The following SLC14A2 variants were observed in gnomAD, a reference collection of about 807,000 sequenced individuals.
SLC14A2 encodes solute carrier family 14 member 2, also known as urea transporter 2.
In SLC14A2, 91 loss-of-function variants were observed where a neutral mutation model predicts 104.6. The observed-to-expected ratio is 0.87, with a 90% CI of 0.73 to 1.04. The LOEUF is 1.04. SLC14A2 is among the 50% of genes least tolerant of loss of function. The probability of loss-of-function intolerance (pLI) is 0.00; values close to 1 mark genes in which losing one functional copy is unlikely to be tolerated. For synonymous variants in SLC14A2, 476 were observed against 466.4 expected (o/e 1.02, Z -0.27); for missense variants, 1,189 against 1,156.0 (o/e 1.03, Z -0.41).
At chr18:45,608,099 T>C (rs2044900466) in intron 2 of SLC14A2, among the ~76,000 whole-genome samples, 1 of 152,258 alleles carries the variant, frequency 6.6e-6, no homozygotes, top group African/African-American at 2.4e-5. Context: ...TTTTTTCTTG[T>C]TCACTGTTGA....
At chr18:45,212,142 A>G (rs891792984), upstream of SLC14A2, among the ~76,000 whole-genome samples, 1 of 152,216 alleles carries the variant, frequency 6.6e-6, no homozygotes, top group Non-Finnish European at 1.5e-5. Context: ...ATATTTATTC[A>G]ACTTTTTATG....
At chr18:45,515,339 T>C (rs2043423966) in intron 2 of SLC14A2, 1 of 152,230 alleles carries the variant, frequency 6.6e-6, no homozygotes, top group African/African-American at 2.4e-5. Flanking sequence ...AGTGTCAATT[T>C]GGCATCAAAA....
the SLC14A2 span, among the ~76,000 whole-genome samples, chr18:45,184,649 A>G: frequency 6.6e-6 from 1 of 151,428 alleles, no homozygotes; most frequent in Non-Finnish European, 1.5e-5. Flanking sequence ...TTTTAAGTAT[A>G]AAAGTAAAGG....
chr18:45,536,682 C>G (rs2043790298), intron 2 of SLC14A2, among the ~76,000 whole-genome samples: 1 of 152,024 alleles, frequency 6.6e-6, no homozygotes, highest in African/African-American at 2.4e-5. Flanking sequence ...GGGGTTGGGA[C>G]TTAAACATAT....
the SLC14A2 span, among the ~76,000 whole-genome samples, chr18:45,203,632 A>T: frequency 1.3e-5 from 2 of 152,180 alleles, no homozygotes; most frequent in Admixed American, 1.3e-4. Flanking sequence ...TGAAGATGGG[A>T]TCCTACTTTT....
At chr18:45,667,528 G>A (rs1202104323) in intron 13 of SLC14A2, among the ~76,000 whole-genome samples, 1 of 152,188 alleles carries the variant, frequency 6.6e-6, no homozygotes, top group East Asian at 1.9e-4. Flanking sequence ...TATGCAGCAA[G>A]AACATGTTCT....
chr18:45,244,455 C>T lies in SLC14A2; in HGVS notation c.-125+31264C>T, dbSNP rs536321728. On this transcript the variant is annotated intron_variant, in intron 1 of 20. Transcript: ENST00000586448. ...CAACCTGGCCAACATAGTGAAACCC[C>T]ATCTCTGCTAAAAATGCAAAAATTA... Among the ~76,000 whole-genome samples the T allele has an allele frequency of 3.0e-4, 46 of 152,214 alleles. No individual in the cohort carries two copies. The South Asian group carries it at 3.7e-3, about 12-fold the overall frequency.
chr18:45,259,082 T>C (rs62092159), intron 1 of SLC14A2, among the ~76,000 whole-genome samples: 27,751 of 152,196 alleles, frequency 0.18, 2,963 homozygotes, highest in African/African-American at 0.28. Context: ...TACAGTTGCT[T>C]TTCAAATAGA....
intron 10 of SLC14A2, among the ~76,000 whole-genome samples, chr18:45,663,444 G>A (rs927266830): frequency 2.6e-5 from 4 of 152,182 alleles, no homozygotes; most frequent in Non-Finnish European, 4.4e-5. Context: ...TGCCACAGAT[G>A]AAGTCCAAGA....
chr18:45,220,994 T>C (rs2084056389), intron 1 of SLC14A2, among the ~76,000 whole-genome samples: 1 of 152,178 alleles, frequency 6.6e-6, no homozygotes, highest in African/African-American at 2.4e-5. Context: ...ACACCAGTCA[T>C]ATTGGATTAG....
At chr18:45,672,822 G>GTGGC in intron 16 of SLC14A2, 78 bp from the exon 17 acceptor site, 4 of 1,400,782 alleles carry the variant, frequency 2.9e-6, no homozygotes, top group Non-Finnish European at 3.9e-6. Flanking sequence ...GAAGGGTTCA[G>GTGGC]TGCCAAGTCT....
At chr18:45,170,589 T>C in the SLC14A2 span, among the ~76,000 whole-genome samples, 3 of 152,156 alleles carry the variant, frequency 2.0e-5, no homozygotes, top group Non-Finnish European at 4.4e-5. Flanking sequence ...AAAGTGTAGC[T>C]AGGACAAAAT....
intron 1 of SLC14A2, among the ~76,000 whole-genome samples, chr18:45,271,237 A>G (rs2084647739): frequency 6.6e-6 from 1 of 152,160 alleles, no homozygotes. Context: ...CTCTTCCCCA[A>G]AGGAAATGCC....
At chr18:45,560,226 A>C (rs1309471026) in intron 2 of SLC14A2, among the ~76,000 whole-genome samples, 1 of 152,192 alleles carries the variant, frequency 6.6e-6, no homozygotes, top group Non-Finnish European at 1.5e-5. Flanking sequence ...TTAAAACCTT[A>C]GCAGACCAGC....
At chr18:45,635,416 C>T (rs1362640063) in intron 5 of SLC14A2, among the ~76,000 whole-genome samples, 1 of 152,156 alleles carries the variant, frequency 6.6e-6, no homozygotes, top group African/African-American at 2.4e-5. Flanking sequence ...TAAGAAGGAA[C>T]AGGCAAAAAG....
rs147800000 is a variant in SLC14A2, at chr18:45,631,445, G to A, written c.522-905G>A. ...TATTACGATCAGGAGGAGAATTGTA[G>A]GTGCATACACCAGCTTCTCCTCTGA... On this transcript the variant is annotated intron_variant, in intron 4 of 19. Coordinates refer to ENST00000255226, the MANE Select transcript of SLC14A2 (RefSeq NM_007163.4). Among the ~76,000 whole-genome samples, 181 of 152,338 alleles carry A rather than the reference G, an allele frequency of 1.2e-3. 2 individuals carry two copies. Among genetic ancestry groups the A allele is most frequent in the Middle Eastern group, 6.8e-3 (2 of 294 alleles).
chr18:45,559,974 G>A (rs1341623683), intron 2 of SLC14A2, among the ~76,000 whole-genome samples: 1 of 152,204 alleles, frequency 6.6e-6, no homozygotes, highest in East Asian at 1.9e-4. Context: ...AGGTCATGGA[G>A]CAGAGGCTTC....
chr18:45,396,423 A>G (rs1470811847), intron 1 of SLC14A2, among the ~76,000 whole-genome samples: 4 of 152,164 alleles, frequency 2.6e-5, no homozygotes, highest in Non-Finnish European at 5.9e-5. Context: ...ATTTACTCAG[A>G]TACATATTCA....
chr18:45,458,677 T>C (rs906355778), intron 1 of SLC14A2, among the ~76,000 whole-genome samples: 1 of 152,192 alleles, frequency 6.6e-6, no homozygotes, highest in Non-Finnish European at 1.5e-5. Context: ...AGCCTCCTCT[T>C]TTCACAGAAG....
Sources: gnomAD v4.1 joint callset for allele counts (sites outside exome capture counted in the v4.1 genomes callset) on GRCh38, gnomAD v4.1.1 for gene constraint, MANE v1.5 for transcripts, NCBI Gene and HGNC (gene_info 2026-07-23, HGNC 2026-07-21) for gene names.